Variants in TMEM168 observed in about 807,000 individuals in gnomAD.
TMEM168 encodes the protein transmembrane protein 168.
In TMEM168, 40 loss-of-function variants were observed where a neutral mutation model predicts 53.2. The ratio of observed to expected loss-of-function variants is 0.75; its 90% confidence interval spans 0.58 to 0.98. The LOEUF (loss-of-function observed/expected upper bound fraction) is 0.98. Ranked by LOEUF, TMEM168 falls within the 50% of genes least tolerant of loss-of-function variation. TMEM168 has a pLI of 0.00. For missense variants in TMEM168, 771 were observed against 828.8 expected (o/e 0.93, Z 0.86); for synonymous variants, 282 against 293.0 (o/e 0.96, Z 0.38).
At chr7:112,783,289 GAAGTT>G (rs1409202051) in intron 2 of TMEM168, among the ~76,000 whole-genome samples, 23 of 152,340 alleles carry the variant, frequency 1.5e-4, no homozygotes, top group African/African-American at 5.5e-4. Context: ...GGAATAGACA[GAAGTT>G]AAGTAACCTT....
In TMEM168 at chr7:112,765,825, T is replaced by C. The variant is rs550485873; in HGVS notation, c.*1372A>G. 1 of 152,588 alleles carries C rather than the reference T, an allele frequency of 6.6e-6. No individual in the cohort carries two copies. The highest frequency in any genetic ancestry group is 1.5e-5 in the Non-Finnish European group (1 of 68,000). 9.5% of individuals were successfully genotyped at this position (152,588 alleles called of 1,614,324 possible). ...TATAACAATGCTGCATAGATAGTGG[T>C]ATACAAGTTCCCTGACTCTAACTTC... On this transcript the variant is annotated 3_prime_UTR_variant, in exon 5 of 5. Coordinates refer to ENST00000312814, the MANE Select transcript of TMEM168 (RefSeq NM_022484.6).
chr7:112,767,323 C>T lies in TMEM168; in HGVS notation c.1968G>A (p.Trp656Ter), dbSNP rs1033556549. 3 of 1,614,142 alleles carry T rather than the reference C, an allele frequency of 1.9e-6. No individual in the cohort carries two copies. The Admixed American group carries it at 5.0e-5, about 27-fold the overall frequency. Residue 656 changes from tryptophan (W) to a stop codon, truncating the protein, a stop_gained, in exon 5 of 5, where the codon TGG becomes TGA. Coordinates refer to ENST00000312814, the MANE Select transcript of TMEM168 (RefSeq NM_022484.6). LOFTEE classifies it high-confidence loss of function. ...ITYPLVHLAN[W>*]LCGLNLFWIC... is the part of the protein sequence containing the mutation. ...TCCAAAAAAGGTTCAGACCGCATAACCAATTTGCCAAATGCACTAGGGGAT... is the reference window on the plus strand; with the variant it reads ...TCCAAAAAAGGTTCAGACCGCATAATCAATTTGCCAAATGCACTAGGGGAT...
At chr7:112,774,885 G>A (rs1793034450) in intron 3 of TMEM168, among the ~76,000 whole-genome samples, 3 of 151,998 alleles carry the variant, frequency 2.0e-5, no homozygotes, top group Admixed American at 2.0e-4. Flanking sequence ...CCAGCCAGAG[G>A]ACACTTTCTT....
chr7:112,767,340 C>A lies in TMEM168; in HGVS notation c.1951G>T (p.Val651Leu). The stretch of plus-strand genomic sequence containing the variant: ...CCGCATAACCAATTTGCCAAATGCA[C>A]TAGGGGATATGTAATACGAGGAAAG... ...LHFPRITYPLVHLANWLCGLN... is the reference protein window; with the variant it reads ...LHFPRITYPLLHLANWLCGLN... Residue 651 changes from valine to leucine, a missense_variant, in exon 5 of 5, where the codon GTG becomes TTG. Transcript: ENST00000312814. 1 of 1,614,114 alleles carries A rather than the reference C, an allele frequency of 6.2e-7. No homozygotes were observed. The highest frequency in any genetic ancestry group is 8.5e-7 in the Non-Finnish European group (1 of 1,179,988).
At chr7:112,772,276 C>A (rs1052646637) in intron 4 of TMEM168, among the ~76,000 whole-genome samples, 2 of 152,126 alleles carry the variant, frequency 1.3e-5, no homozygotes, top group African/African-American at 4.8e-5. Context: ...TTGAAGCCAA[C>A]AGAAGTTAAC....
At position 112,763,202 on chromosome 7, in the gene TMEM168, C is replaced by T. The variant is rs1222567056; in HGVS notation, c.*3995G>A. On this transcript the variant is annotated 3_prime_UTR_variant, in exon 5 of 5. Transcript: ENST00000312814. Reference sequence around the variant, plus strand: ...CCAGTTCTGAAACAGTTTTTCCTTCCCTAATCTTAACACTTATTACTCTTA... The same window carrying T: ...CCAGTTCTGAAACAGTTTTTCCTTCTCTAATCTTAACACTTATTACTCTTA... 3 of 152,028 alleles carry T rather than the reference C, an allele frequency of 2.0e-5. No individual in the cohort carries two copies. The highest frequency in any genetic ancestry group is 1.5e-5 in the Non-Finnish European group (1 of 67,956). 9.4% of individuals were successfully genotyped at this position (152,028 alleles called of 1,614,324 possible).
Position 112,784,531 on chromosome 7 carries a change from A to G in TMEM168, c.295T>C (p.Phe99Leu). ...AASLSLSNLW[F>L]GFLLGLLCFL... Reference sequence around the variant, plus strand: ...CATAGGAGGCCAAGCAAGAATCCAAACCAAAGATTGGAGAGACTTAAACTT... The same window carrying G: ...CATAGGAGGCCAAGCAAGAATCCAAGCCAAAGATTGGAGAGACTTAAACTT... The change falls in exon 2 of 5, where the codon TTT becomes CTT. Residue 99 changes from phenylalanine (F) to leucine (L), a missense_variant. Physicochemically the swap from Phe to Leu is conservative, Grantham distance 22 (BLOSUM62 0). Coordinates refer to ENST00000312814, the MANE Select transcript of TMEM168 (RefSeq NM_022484.6). 6.2e-7 allele frequency: 1 copy of G among 1,614,192 alleles called. No individual in the cohort carries two copies. The highest frequency in any genetic ancestry group is 8.5e-7 in the Non-Finnish European group (1 of 1,180,020).
Position 112,773,055 on chromosome 7 carries a change from A to T in TMEM168, c.1272T>A (p.Ser424Arg). 1 of 1,593,794 alleles carries T rather than the reference A, an allele frequency of 6.3e-7. No homozygotes were observed. The highest frequency in any genetic ancestry group is 8.6e-7 in the Non-Finnish European group (1 of 1,166,340). ...YAIVIPTNFC[S>R]PDGQPTLLPP... ...GAAGCAGTGTTGGCTGACCATCAGG[A>T]CTGAAGTAGGAGAAAAAACAAGAAG... Residue 424 changes from serine (S) to arginine (R), a missense_variant and splice_region_variant, in exon 4 of 5, where the codon AGT becomes AGA. Transcript: ENST00000312814.
intron 1 of TMEM168, chr7:112,788,399 A>T (rs1793450152): frequency 6.7e-6 from 1 of 149,640 alleles, no homozygotes; most frequent in Non-Finnish European, 1.5e-5. Flanking sequence ...GTAAACATGT[A>T]AAAAAAAAAT....
At position 112,772,783 on chromosome 7, in the gene TMEM168, G is replaced by A. The variant is rs1246130698; in HGVS notation, c.1544C>T (p.Ala515Val). ...HTHGTGEWAL[A>V]GGDTLRLDTL... is the part of the protein sequence containing the mutation. ...GAAACTGCCAAAGGTGAGTTTACCTGCTAGAGCCCACTCTCCTGTACCATG... is the reference window on the plus strand; with the variant it reads ...GAAACTGCCAAAGGTGAGTTTACCTACTAGAGCCCACTCTCCTGTACCATG... The change falls in exon 4 of 5, where the codon GCA becomes GTA. Residue 515 changes from alanine (A) to valine (V), a missense_variant and splice_region_variant. Transcript: ENST00000312814. 2.5e-6 allele frequency: 4 copies of A among 1,610,248 alleles called. No homozygotes were observed. Among genetic ancestry groups the A allele is most frequent in the Non-Finnish European group, 3.4e-6 (4 of 1,176,962 alleles).
chr7:112,785,683 T>C (rs1377349841), intron 1 of TMEM168, among the ~76,000 whole-genome samples: 1 of 152,228 alleles, frequency 6.6e-6, no homozygotes, highest in Non-Finnish European at 1.5e-5. Context: ...ATAGTCATTA[T>C]AAAGTAAATG....
Position 112,763,114 on chromosome 7 carries a change from T to C in TMEM168, c.*4083A>G, listed in dbSNP as rs2116187286. The C allele has an allele frequency of 6.6e-6, 1 of 152,214 alleles. No homozygotes were observed. Among genetic ancestry groups the C allele is most frequent in the East Asian group, 1.9e-4 (1 of 5,182 alleles). 9.4% of individuals were successfully genotyped at this position (152,214 alleles called of 1,614,324 possible). ...AATCTTAATGATATTAGAGTCATGA[T>C]GGAAATGGACTCAACTCACAAAAAG... On this transcript the variant is annotated 3_prime_UTR_variant, in exon 5 of 5. Coordinates refer to ENST00000312814, the MANE Select transcript of TMEM168 (RefSeq NM_022484.6).
intron 1 of TMEM168, among the ~76,000 whole-genome samples, chr7:112,787,775 C>T (rs1341306772): frequency 8.6e-6 from 1 of 116,308 alleles, no homozygotes; most frequent in Non-Finnish European, 1.7e-5. Context: ...TCTTGTTGCC[C>T]AGGCTGGAAT....
At chr7:112,777,909 TGTGTGTG>T (rs1793131600) in intron 2 of TMEM168, among the ~76,000 whole-genome samples, 1 of 105,614 alleles carries the variant, frequency 9.5e-6, no homozygotes, top group Non-Finnish European at 2.0e-5. Flanking sequence ...TGTGTGTGTG[TGTGTGTG>T]TGTGTGTGTG....
intron 2 of TMEM168, 144 bp from the exon 3 acceptor site, chr7:112,775,462 T>A: frequency 1.5e-6 from 1 of 663,696 alleles, no homozygotes; most frequent in Non-Finnish European, 2.4e-6. Flanking sequence ...AATTTTCAGT[T>A]AAAGCAGACA....
At chr7:112,779,402 T>C (rs1793172743) in intron 2 of TMEM168, among the ~76,000 whole-genome samples, 1 of 152,236 alleles carries the variant, frequency 6.6e-6, no homozygotes, top group Admixed American at 6.5e-5. Flanking sequence ...TTAGGATGTT[T>C]TGTCTGCTTG....
chr7:112,783,929 G>T lies in TMEM168; in HGVS notation c.897C>A (p.Ser299=), dbSNP rs753184692. The T allele has an allele frequency of 2.5e-6, 4 of 1,597,662 alleles. No homozygotes were observed. In the East Asian group the frequency reaches 6.7e-5, roughly 27 times the overall value. The change falls in exon 2 of 5, where the codon TCC becomes TCA. Residue 299 remains serine (S), a synonymous_variant. Transcript: ENST00000312814. The part of the protein sequence containing the change: ...HLWYFVIPGF[S]IFGIFWMICH... Reference sequence around the variant, plus strand: ...AAATCATCCAGAAAATTCCAAAAATGGAAAAGCCAGGTATTACAAAATACC... The same window carrying T: ...AAATCATCCAGAAAATTCCAAAAATTGAAAAGCCAGGTATTACAAAATACC...
chr7:112,780,965 AC>A (rs1449868317), intron 2 of TMEM168, among the ~76,000 whole-genome samples: 2,577 of 147,912 alleles, frequency 0.017, 91 homozygotes, highest in African/African-American at 0.063. Flanking sequence ...AAAAAAAAAA[AC>A]GGGGGCACAG....
Position 112,784,597 on chromosome 7 carries a change from T to C in TMEM168, c.229A>G (p.Ile77Val), listed in dbSNP as rs757613566. ...AAATAGTAATAGAGTATGCTGGCGA[T>C]TCCAAGAACAAAAAGACCAAGAATA... ...IFILGLFVLG[I>V]ASILYYYFSM... The change falls in exon 2 of 5, where the codon ATC becomes GTC. Residue 77 changes from isoleucine to valine, a missense_variant. Physicochemically the swap from Ile to Val is conservative, Grantham distance 29. Coordinates refer to ENST00000312814, the MANE Select transcript of TMEM168 (RefSeq NM_022484.6). The C allele has an allele frequency of 1.7e-5, 27 of 1,611,874 alleles. No homozygotes were observed. In the South Asian group the frequency reaches 2.7e-4, roughly 16 times the overall value.
Sources: allele counts gnomAD v4.1 joint callset (sites outside exome capture counted in the v4.1 genomes callset), GRCh38; gene constraint gnomAD v4.1.1; transcripts MANE v1.5; gene names NCBI Gene and HGNC (gene_info 2026-07-23, HGNC 2026-07-21).